The following DYNC2H1 variants were observed in gnomAD, a reference collection of about 807,000 sequenced individuals.
DYNC2H1 encodes dynein cytoplasmic 2 heavy chain 1.
Under a neutral mutation model 570.0 loss-of-function variants are expected in DYNC2H1, and 410 were observed. The ratio of observed to expected loss-of-function variants is 0.72; its 90% CI spans 0.66 to 0.78. The LOEUF is 0.78. Among genes scored for constraint, DYNC2H1 ranks in the 30% least tolerant of loss-of-function variants. DYNC2H1 has a pLI of 0.00. For synonymous variants in DYNC2H1, 1,688 were observed against 1,677.6 expected (o/e 1.01, Z -0.15); for missense variants, 4,865 against 5,046.4 (o/e 0.96, Z 1.09).
At chr11:103,353,184 T>C (rs748452954) in intron 82 of DYNC2H1, among the ~76,000 whole-genome samples, 3 of 152,322 alleles carry the variant, frequency 2.0e-5, no homozygotes, top group African/African-American at 2.4e-5. Flanking sequence ...AAATGGCTAA[T>C]GCATCTGGGC....
In DYNC2H1 at chr11:103,362,320, C is replaced by CTTT. The variant is rs879453459; in HGVS notation, c.12156+3971_12156+3973dup. 3.6e-4 allele frequency among the ~76,000 whole-genome samples: 26 copies of CTTT among 71,580 alleles called. 1 individual carries two copies. Among genetic ancestry groups the CTTT allele is most frequent in the Non-Finnish European group, 6.9e-4 (22 of 31,936 alleles). The allele number at this position is 71,580 out of a possible 152,430, so 47.0% of individuals were successfully genotyped here. A position where few individuals can be genotyped will look rare whatever the true frequency, so the allele number is the denominator to read the frequency against. On this transcript the variant is annotated intron_variant, in intron 83 of 88. Transcript: ENST00000375735. Reference sequence around the variant, plus strand: ...GCTTCTTAAATATATTAATTTTTTTCTTTTTTTTTTTTCTTTTTTTTTTTT... The same window carrying CTTT: ...GCTTCTTAAATATATTAATTTTTTTCTTTTTTTTTTTTTTTCTTTTTTTTTTTT...
intron 87 of DYNC2H1, among the ~76,000 whole-genome samples, chr11:103,462,422 T>C (rs1484014976): frequency 1.3e-5 from 2 of 152,176 alleles, no homozygotes; most frequent in Non-Finnish European, 2.9e-5. Context: ...CATGCTAACA[T>C]TGATTCATGT....
chr11:103,218,505 T>TA (rs1565404670), intron 55 of DYNC2H1, among the ~76,000 whole-genome samples: 2 of 152,330 alleles, frequency 1.3e-5, no homozygotes, highest in South Asian at 2.1e-4. Context: ...TTTTTATTGT[T>TA]AAAAAATCTG....
intron 82 of DYNC2H1, among the ~76,000 whole-genome samples, chr11:103,343,309 G>A (rs1314268194): frequency 2.6e-5 from 4 of 152,058 alleles, no homozygotes; most frequent in Non-Finnish European, 4.4e-5. Context: ...GGGTCCTAAC[G>A]CCTGTCAGAC....
chr11:103,411,941 A>G (rs948193318), intron 84 of DYNC2H1, among the ~76,000 whole-genome samples: 3 of 152,150 alleles, frequency 2.0e-5, no homozygotes, highest in African/African-American at 7.2e-5. Context: ...CAAAGTATGA[A>G]AAATGTGTTT....
chr11:103,333,994 G>A (rs1938976172), intron 82 of DYNC2H1, among the ~76,000 whole-genome samples: 1 of 151,874 alleles, frequency 6.6e-6, no homozygotes, highest in Non-Finnish European at 1.5e-5. Flanking sequence ...GTTTGCATTT[G>A]TTAATAACGA....
At position 103,303,271 on chromosome 11, in the gene DYNC2H1, C is replaced by A. The variant is rs11225674; in HGVS notation, c.11256+18C>A. The A allele has an allele frequency of 6.2e-7, 1 of 1,600,610 alleles. No individual in the cohort carries two copies. On this transcript the variant is annotated intron_variant, in intron 76 of 88. Transcript: ENST00000375735. ...ATCACCAGGTAAGTACATATTGTCC[C>A]GCTGTTTTTGTTTTTGCTATTGCTG...
intron 82 of DYNC2H1, among the ~76,000 whole-genome samples, chr11:103,350,144 G>A (rs1427868098): frequency 6.6e-6 from 1 of 152,082 alleles, no homozygotes; most frequent in African/African-American, 2.4e-5. Flanking sequence ...AGCATGCACA[G>A]GGAGCATGAA....
intron 4 of DYNC2H1, 94 bp downstream of exon 4, chr11:103,115,389 T>C: frequency 1.4e-6 from 1 of 730,142 alleles, no homozygotes; most frequent in Non-Finnish European, 2.2e-6. Flanking sequence ...AAAATGTACT[T>C]GATGATTGTG....
At chr11:103,118,789 C>T (rs753678715) in intron 6 of DYNC2H1, among the ~76,000 whole-genome samples, 1 of 152,098 alleles carries the variant, frequency 6.6e-6, no homozygotes, top group African/African-American at 2.4e-5. Flanking sequence ...TTTTTTATGC[C>T]ATATGGCATT....
chr11:103,364,128 G>C (rs1412283580), intron 83 of DYNC2H1, among the ~76,000 whole-genome samples: 1 of 152,066 alleles, frequency 6.6e-6, no homozygotes, highest in Non-Finnish European at 1.5e-5. Context: ...TACATAATGT[G>C]AATACTATTA....
chr11:103,434,622 G>A (rs1943999258), intron 84 of DYNC2H1, among the ~76,000 whole-genome samples: 1 of 152,018 alleles, frequency 6.6e-6, no homozygotes, highest in African/African-American at 2.4e-5. Context: ...ATCATTATCG[G>A]TTGTCTTGCT....
At chr11:103,394,166 T>G (rs552232328) in intron 83 of DYNC2H1, among the ~76,000 whole-genome samples, 55 of 152,318 alleles carry the variant, frequency 3.6e-4, no homozygotes, top group African/African-American at 1.3e-3. Flanking sequence ...TATTACTTAC[T>G]TTCCCTGGTT....
chr11:103,209,157 C>G lies in DYNC2H1; in HGVS notation c.8455-719C>G, dbSNP rs617131. On this transcript the variant is annotated intron_variant, in intron 52 of 88. Transcript: ENST00000375735. The surrounding 1 kb of genome is among the most constrained non-coding windows in gnomAD (Gnocchi z 4.2). ...AAAAAATGATTTTTTGACCTAATTA[C>G]CAAGATCACTTGTGTTTTCTTCTTG... Among the ~76,000 whole-genome samples, 114,937 of 151,858 alleles carry G rather than the reference C, an allele frequency of 0.76. 44,018 individuals carry two copies. Among genetic ancestry groups the G allele is most frequent in the Admixed American group, 0.83 (12,743 of 15,270 alleles).
intron 85 of DYNC2H1, among the ~76,000 whole-genome samples, chr11:103,444,086 G>A (rs957632194): frequency 6.6e-6 from 1 of 151,454 alleles, no homozygotes; most frequent in Non-Finnish European, 1.5e-5. Flanking sequence ...ATATATTTTT[G>A]TATTAGTTAA....
chr11:103,254,302 A>T lies in DYNC2H1; in HGVS notation c.10206+854A>T, dbSNP rs183768246. Among the ~76,000 whole-genome samples, 72 of 152,324 alleles carry T rather than the reference A, an allele frequency of 4.7e-4. No individual in the cohort carries two copies. The highest frequency in any genetic ancestry group is 1.7e-3 in the African/African-American group (72 of 41,584). The stretch of plus-strand genomic sequence containing the variant: ...CTCCTGCTGTGTAAAAGATCTCCAC[A>T]GTAGTTGCAAAAAAGGAGCTATGTA... On this transcript the variant is annotated intron_variant, in intron 66 of 88. Transcript: ENST00000375735. The surrounding 1 kb of genome is among the most constrained non-coding windows in gnomAD (Gnocchi z 4.9).
At chr11:103,470,993 T>G (rs1259153492) in intron 88 of DYNC2H1, among the ~76,000 whole-genome samples, 1 of 152,148 alleles carries the variant, frequency 6.6e-6, no homozygotes, top group Non-Finnish European at 1.5e-5. Context: ...ATCGCCACAC[T>G]GACTTCCACA....
intron 54 of DYNC2H1, 106 bp downstream of exon 54, chr11:103,212,049 G>A: frequency 8.1e-7 from 1 of 1,230,446 alleles, no homozygotes; most frequent in East Asian, 3.1e-5. Context: ...ATTAATAAAT[G>A]TACTGTATTA....
intron 47 of DYNC2H1, 73 bp downstream of exon 47, chr11:103,192,337 G>T: frequency 9.2e-7 from 1 of 1,089,592 alleles, no homozygotes; most frequent in Non-Finnish European, 1.2e-6. Flanking sequence ...CCCAGAGCAT[G>T]ATTTTATAGG....
Sources: gnomAD v4.1 joint callset for allele counts (sites outside exome capture counted in the v4.1 genomes callset) on GRCh38, gnomAD v4.1.1 for gene constraint, Gnocchi (gnomAD v3.1) non-coding constraint, MANE v1.5 for transcripts, NCBI Gene and HGNC (gene_info 2026-07-23, HGNC 2026-07-21) for gene names.